FUT8: variants seen among roughly 807,000 people sequenced by gnomAD.
FUT8 encodes the protein fucosyltransferase 8.
FUT8 carries 29 observed loss-of-function variants against 71.3 expected under a neutral mutation model. The observed-to-expected ratio is 0.41, with a 90% CI of 0.30 to 0.55. The LOEUF is 0.55. Among genes scored for constraint, FUT8 ranks in the 20% least tolerant of loss-of-function variants. FUT8 has a pLI of 0.34. For synonymous variants in FUT8, 254 were observed against 239.3 expected, an observed-to-expected ratio of 1.06 and a Z score of -0.57; for missense variants, 544 against 702.1, an observed-to-expected ratio of 0.77 and a Z score of 2.55.
rs1402209536 is a variant in FUT8 at position 65,717,558 on chromosome 14, C to T, written c.836-4217C>T. ...GCAGAGGCGCTCCTCACATCCCAGA[C>T]GATGGGCGGCCGGGCAGAGACGCTC... On this transcript the variant is annotated intron_variant, in intron 7 of 10. Coordinates refer to ENST00000673929, the MANE Select transcript of FUT8 (RefSeq NM_001371533.1). Among the ~76,000 whole-genome samples, 11 of 115,860 alleles carry T rather than the reference C, an allele frequency of 9.5e-5. 1 individual carries two copies. The highest frequency in any genetic ancestry group is 5.6e-4 in the Admixed American group (6 of 10,756). 76.0% of individuals were successfully genotyped at this position (115,860 alleles called of 152,430 possible).
intron 7 of FUT8, among the ~76,000 whole-genome samples, chr14:65,690,715 A>C (rs1164466966): frequency 1.3e-5 from 2 of 150,364 alleles, no homozygotes; most frequent in African/African-American, 4.9e-5. Context: ...GGTATATAGG[A>C]AAACATTTGA....
intron 2 of FUT8, among the ~76,000 whole-genome samples, chr14:65,502,160 G>T (rs1215453310): frequency 6.6e-6 from 1 of 151,648 alleles, no homozygotes; most frequent in Non-Finnish European, 1.5e-5. Flanking sequence ...ATTCACCCAT[G>T]TTGGCCTCCA....
chr14:65,700,006 C>A (rs1894202854), intron 7 of FUT8, among the ~76,000 whole-genome samples: 1 of 152,118 alleles, frequency 6.6e-6, no homozygotes, highest in Non-Finnish European at 1.5e-5. Context: ...ATATCTACCT[C>A]TTATCTCCAA....
chr14:65,608,609 G>A (rs17246259), intron 3 of FUT8, among the ~76,000 whole-genome samples: 21,705 of 151,858 alleles, frequency 0.14, 2,285 homozygotes, highest in East Asian at 0.48. Context: ...TTTTCATCAA[G>A]TTTTTATTTG....
intron 3 of FUT8, among the ~76,000 whole-genome samples, chr14:65,605,423 A>G (rs1286365337): frequency 6.6e-6 from 1 of 151,864 alleles, no homozygotes; most frequent in African/African-American, 2.4e-5. Flanking sequence ...CTTTAAAGAG[A>G]TGATTAAGTT....
chr14:65,703,531 A>C (rs1281477798), intron 7 of FUT8, among the ~76,000 whole-genome samples: 1 of 152,246 alleles, frequency 6.6e-6, no homozygotes, highest in African/African-American at 2.4e-5. Flanking sequence ...TACACAGCGC[A>C]AAAGGAAGGG....
chr14:65,438,486 A>G (rs2139467483), intron 1 of FUT8, among the ~76,000 whole-genome samples: 1 of 152,064 alleles, frequency 6.6e-6, no homozygotes, highest in East Asian at 1.9e-4. Flanking sequence ...ATTCTTTATC[A>G]TTTTTTCCAG....
chr14:65,468,031 T>C (rs991853662), intron 2 of FUT8: 7 of 677,562 alleles, frequency 1.0e-5, no homozygotes, highest in Non-Finnish European at 1.9e-5. Flanking sequence ...TTAATTCTCT[T>C]GGCAAGAATC....
chr14:65,466,956 C>A (rs1187572156), intron 2 of FUT8, among the ~76,000 whole-genome samples: 1 of 152,148 alleles, frequency 6.6e-6, no homozygotes, highest in African/African-American at 2.4e-5. Flanking sequence ...CCATAATTTA[C>A]AGTCACTAAA....
intron 1 of FUT8, among the ~76,000 whole-genome samples, chr14:65,438,264 G>C (rs2065590795): frequency 1.3e-5 from 2 of 148,606 alleles, no homozygotes; most frequent in Non-Finnish European, 3.0e-5. Flanking sequence ...ACAGAAATTA[G>C]GCAGTTTTTT....
chr14:65,720,242 C>T (rs539998312), intron 7 of FUT8, among the ~76,000 whole-genome samples: 1 of 152,362 alleles, frequency 6.6e-6, no homozygotes, highest in Non-Finnish European at 1.5e-5. Flanking sequence ...CCTATGGCCA[C>T]CACCACTACA....
At chr14:65,609,509 C>T (rs974590117) in intron 3 of FUT8, among the ~76,000 whole-genome samples, 3 of 151,778 alleles carry the variant, frequency 2.0e-5, no homozygotes, top group African/African-American at 7.3e-5. Flanking sequence ...TGAAAACTGT[C>T]TGCTAAATTA....
At chr14:65,677,151 T>TGTGTGTGTGTGTGTGCAC in intron 7 of FUT8, among the ~76,000 whole-genome samples, 1 of 110,702 alleles carries the variant, frequency 9.0e-6, no homozygotes, top group Non-Finnish European at 1.8e-5. Context: ...TGTGTGTGTG[T>TGTGTGTGTGTGTGTGCAC]GCGCGCGCGC....
rs1892388686 is a variant in FUT8, at chr14:65,669,757, C to T, written c.835+277C>T. 6.6e-6 allele frequency among the ~76,000 whole-genome samples: 1 copy of T among 151,972 alleles called. No individual in the cohort carries two copies. Among genetic ancestry groups the T allele is most frequent in the Admixed American group, 6.6e-5 (1 of 15,256 alleles). On this transcript the variant is annotated intron_variant, in intron 7 of 10. Transcript: ENST00000673929. The surrounding 1 kb of genome is among the most constrained non-coding windows in gnomAD (Gnocchi z 4.5). ...TAATCTTTTAATAATAATGATATGA[C>T]TTTCACTCTATAAGATGATTTCACA...
At position 65,641,633 on chromosome 14, in the gene FUT8, G is replaced by C. The variant is rs577695816; in HGVS notation, c.597+12027G>C. Reference sequence around the variant, plus strand: ...TGCCATTTTATATTTTCATCCAGCAGTGTCTGAGACTTTTAGTTCTCATAT... The same window carrying C: ...TGCCATTTTATATTTTCATCCAGCACTGTCTGAGACTTTTAGTTCTCATAT... On this transcript the variant is annotated intron_variant, in intron 6 of 10. Transcript: ENST00000673929. Among the ~76,000 whole-genome samples the C allele has an allele frequency of 9.0e-4, 137 of 152,154 alleles. 2 individuals carry two copies. The highest frequency in any genetic ancestry group is 2.3e-3 in the South Asian group (11 of 4,820).
intron 2 of FUT8, among the ~76,000 whole-genome samples, chr14:65,456,221 G>C (rs560944912): frequency 6.6e-6 from 1 of 152,026 alleles, no homozygotes; most frequent in African/African-American, 2.4e-5. Context: ...AAATTTGCTC[G>C]TGTTGCCTAT....
chr14:65,428,552 T>G (rs936180608), intron 1 of FUT8, among the ~76,000 whole-genome samples: 2 of 152,192 alleles, frequency 1.3e-5, no homozygotes, highest in African/African-American at 2.4e-5. Flanking sequence ...TATTTTGTTA[T>G]AGCACCCCAA....
At chr14:65,692,115 G>A (rs1271867328) in intron 7 of FUT8, among the ~76,000 whole-genome samples, 1 of 152,054 alleles carries the variant, frequency 6.6e-6, no homozygotes, top group Non-Finnish European at 1.5e-5. Context: ...TGAGCTGTTG[G>A]GTACACCTCC....
intron 2 of FUT8, among the ~76,000 whole-genome samples, chr14:65,528,231 C>T (rs12147233): frequency 0.055 from 8,409 of 152,282 alleles, 332 homozygotes; most frequent in Non-Finnish European, 0.077. Flanking sequence ...TATTTACCTA[C>T]GCAAGCCTCA....
Sources: allele counts gnomAD v4.1 joint callset (sites outside exome capture counted in the v4.1 genomes callset), GRCh38; gene constraint gnomAD v4.1.1; non-coding constraint Gnocchi (gnomAD v3.1); transcripts MANE v1.5; gene names NCBI Gene and HGNC (gene_info 2026-07-23, HGNC 2026-07-21).